The following COL6A2 variants were observed in gnomAD, a reference collection of about 807,000 sequenced individuals.
COL6A2 encodes the protein collagen alpha-2(VI) chain.
Under a neutral mutation model 124.9 loss-of-function variants are expected in COL6A2, and 90 were observed. That is an observed-to-expected ratio of 0.72 (90% CI 0.61 to 0.86). COL6A2 has a LOEUF of 0.86. COL6A2 is among the 40% of genes least tolerant of loss of function. COL6A2 has a pLI of 0.00. For missense variants in COL6A2, 1,607 were observed against 1,502.5 expected (o/e 1.07, Z -1.15); for synonymous variants, 793 against 618.2 (o/e 1.28, Z -4.19).
Position 46,125,481 on chromosome 21 carries a change from T to C in COL6A2, c.1833T>C (p.Cys611=). Residue 611 remains cysteine (C), a synonymous_variant, in exon 25 of 28, where the codon TGT becomes TGC. Coordinates refer to ENST00000300527, the MANE Select transcript of COL6A2 (RefSeq NM_001849.4). ...CCCCCCCAGACTGTGAGAAGCGCTGTGGCGCCCTGGACGTGGTCTTCGTCA... is the reference window on the plus strand; with the variant it reads ...CCCCCCCAGACTGTGAGAAGCGCTGCGGCGCCCTGGACGTGGTCTTCGTCA... ...TCGCCDCEKR[C]GALDVVFVID... 1 of 1,611,954 alleles carries C rather than the reference T, an allele frequency of 6.2e-7. No individual in the cohort carries two copies. The highest frequency in any genetic ancestry group is 1.1e-5 in the South Asian group (1 of 91,084).
chr21:46,105,377 C>T (rs1330321255), intron 1 of COL6A2, among the ~76,000 whole-genome samples: 1 of 151,960 alleles, frequency 6.6e-6, no homozygotes, highest in Non-Finnish European at 1.5e-5. Context: ...CAGAGCAAGA[C>T]CTTATCTCAA....
chr21:46,102,242 A>G (rs1320831472), intron 1 of COL6A2, among the ~76,000 whole-genome samples: 2 of 152,130 alleles, frequency 1.3e-5, no homozygotes, highest in Non-Finnish European at 1.5e-5. Flanking sequence ...TGTGTTTACT[A>G]TGTATTCTGC....
intron 12 of COL6A2, 149 bp downstream of exon 12, chr21:46,118,085 G>A (rs887502305): frequency 2.6e-6 from 2 of 778,566 alleles, no homozygotes; most frequent in African/African-American, 1.7e-5. Context: ...TGTGGTGGAG[G>A]GTGCCCTGCC....
Position 46,125,956 on chromosome 21 carries a change from T to G in COL6A2, c.2141T>G (p.Leu714Arg). 1 of 1,613,030 alleles carries G rather than the reference T, an allele frequency of 6.2e-7. No homozygotes were observed. The highest frequency in any genetic ancestry group is 8.5e-7 in the Non-Finnish European group (1 of 1,179,918). Residue 714 changes from leucine (L) to arginine (R), a missense_variant, in exon 26 of 28, where the codon CTC (leucine) becomes CGC (arginine). Leu to Arg is a moderately radical substitution (Grantham distance 102). Coordinates refer to ENST00000300527, the MANE Select transcript of COL6A2 (RefSeq NM_001849.4). ...GCCCTCAAGTTTGCCTACGACCGCCTCATCAAGGAGAGCCGGCGCCAGAAG... is the reference window on the plus strand; with the variant it reads ...GCCCTCAAGTTTGCCTACGACCGCCGCATCAAGGAGAGCCGGCGCCAGAAG... Reference protein sequence around the residue: ...PSALKFAYDRLIKESRRQKTR... With the variant: ...PSALKFAYDRRIKESRRQKTR...
chr21:46,117,793 A>T, intron 11 of COL6A2, 81 bp from the exon 12 acceptor site: 1 of 1,438,264 alleles, frequency 7.0e-7, no homozygotes, highest in Non-Finnish European at 9.6e-7. Flanking sequence ...CCGGGCTGGG[A>T]CAATGGAGCA....
At chr21:46,122,759 G>C in intron 20 of COL6A2, 116 bp from the exon 21 acceptor site, 1 of 1,128,160 alleles carries the variant, frequency 8.9e-7, no homozygotes, top group Non-Finnish European at 1.3e-6. Context: ...CCACATAGAT[G>C]CTCCCGTTTA....
At chr21:46,131,833 A>G (rs1353276877) in intron 27 of COL6A2, 121 bp from the exon 28 acceptor site, 2 of 945,014 alleles carry the variant, frequency 2.1e-6, no homozygotes, top group Non-Finnish European at 1.6e-6. Context: ...GCCCCCGCAG[A>G]GCCCAGTGGT....
chr21:46,131,651 C>T (rs1446887917), intron 27 of COL6A2, among the ~76,000 whole-genome samples: 2 of 152,176 alleles, frequency 1.3e-5, no homozygotes, highest in Non-Finnish European at 2.9e-5. Flanking sequence ...GGCCCCTTCC[C>T]TCCCAGGAGG....
Position 46,125,766 on chromosome 21 carries a change from T to G in COL6A2, c.1970-19T>G. ...GACCCCGAGGCCTCTGGCAACGACC[T>G]CACGCGTGCGGCTTGCAGGGACGCG... is the stretch of plus-strand genomic sequence containing the variant. On this transcript the variant is annotated intron_variant, in intron 25 of 27. Coordinates refer to ENST00000300527, the MANE Select transcript of COL6A2 (RefSeq NM_001849.4). 1 of 1,609,804 alleles carries G rather than the reference T, an allele frequency of 6.2e-7. No homozygotes were observed. Among genetic ancestry groups the G allele is most frequent in the Non-Finnish European group, 8.5e-7 (1 of 1,177,548 alleles).
rs868823265 is a variant in COL6A2, at chr21:46,129,026, G to A, written c.2461+2485G>A. 1.4e-4 allele frequency: 230 copies of A among 1,602,582 alleles called. No individual in the cohort carries two copies. The Middle Eastern group carries it at 8.4e-3, about 59-fold the overall frequency. On this transcript the variant is annotated intron_variant, in intron 27 of 27. Coordinates refer to ENST00000300527, the MANE Select transcript of COL6A2 (RefSeq NM_001849.4). Reference sequence around the variant, plus strand: ...CTGTCCCTGTGCTCACTGCCCCCACGCCTCCTGCCAAGGCCGAGCCACACA... The same window carrying A: ...CTGTCCCTGTGCTCACTGCCCCCACACCTCCTGCCAAGGCCGAGCCACACA...
At chr21:46,131,283 T>C (rs1221555330) in intron 27 of COL6A2, among the ~76,000 whole-genome samples, 2 of 152,226 alleles carry the variant, frequency 1.3e-5, no homozygotes, top group Non-Finnish European at 2.9e-5. Context: ...GTTGTGGCTA[T>C]GGCCAGGCCC....
intron 23 of COL6A2, 43 bp downstream of exon 23, chr21:46,124,963 A>G: frequency 3.7e-6 from 6 of 1,610,266 alleles, no homozygotes; most frequent in Non-Finnish European, 5.1e-6. Flanking sequence ...TCTCCTGCCA[A>G]AACTAGACAC....
chr21:46,125,247 C>T lies in COL6A2; in HGVS notation c.1771-19C>T, dbSNP rs1017984025. ...CTGGGGCCCCGGGGGGACTACCCTG[C>T]CTGCCGTGTGCATTGCAGGAGTGTG... On this transcript the variant is annotated intron_variant, in intron 23 of 27. Coordinates refer to ENST00000300527, the MANE Select transcript of COL6A2 (RefSeq NM_001849.4). The T allele has an allele frequency of 1.2e-6, 2 of 1,611,134 alleles. No individual in the cohort carries two copies. The highest frequency in any genetic ancestry group is 1.7e-6 in the Non-Finnish European group (2 of 1,178,906).
chr21:46,117,959 G>T, intron 12 of COL6A2, 23 bp downstream of exon 12: 2 of 1,602,518 alleles, frequency 1.2e-6, no homozygotes, highest in Non-Finnish European at 8.5e-7. Context: ...GTCAGGGTAC[G>T]GGGCAGGCGG....
chr21:46,122,538 G>A lies in COL6A2; in HGVS notation c.1608+7G>A, dbSNP rs370368046. The A allele has an allele frequency of 6.2e-7, 1 of 1,612,642 alleles. No homozygotes were observed. The highest frequency in any genetic ancestry group is 8.5e-7 in the Non-Finnish European group (1 of 1,179,956). ...CGGCCCACGCGGCCCCGAGGTATGT[G>A]TGGGTCCTGGCCACCTGTGCCCACC... On this transcript the variant is annotated splice_region_variant and intron_variant, in intron 20 of 27. Transcript: ENST00000300527.
At chr21:46,122,603 T>C in intron 20 of COL6A2, 72 bp downstream of exon 20, 2 of 1,529,506 alleles carry the variant, frequency 1.3e-6, no homozygotes, top group Non-Finnish European at 1.8e-6. Flanking sequence ...GGGAACACAA[T>C]GCCCACCGTC....
intron 27 of COL6A2, chr21:46,129,224 G>C (rs778756470): frequency 1.2e-6 from 2 of 1,612,748 alleles, no homozygotes; most frequent in African/African-American, 1.3e-5. Flanking sequence ...GCGAGCCCCC[G>C]GTCACCTTCC....
chr21:46,124,258 T>C (rs1053191750), intron 21 of COL6A2, among the ~76,000 whole-genome samples: 6 of 150,702 alleles, frequency 4.0e-5, no homozygotes, highest in African/African-American at 1.5e-4. Flanking sequence ...GATGGATGGG[T>C]TAGTGGGTGG....
intron 12 of COL6A2, 26 bp from the exon 13 acceptor site, chr21:46,118,588 G>A (rs1362647843): frequency 6.2e-7 from 1 of 1,611,726 alleles, no homozygotes; most frequent in African/African-American, 1.3e-5. Flanking sequence ...CAAAAGACGT[G>A]AGGCTGATTC....
Sources: allele counts gnomAD v4.1 joint callset (sites outside exome capture counted in the v4.1 genomes callset), GRCh38; gene constraint gnomAD v4.1.1; transcripts MANE v1.5; gene names NCBI Gene and HGNC (gene_info 2026-07-23, HGNC 2026-07-21).